The following CNTNAP2 variants were observed in gnomAD, a reference collection of about 807,000 sequenced individuals.
The protein encoded by CNTNAP2 is contactin associated protein 2.
In CNTNAP2, 98 loss-of-function variants were observed where a neutral mutation model predicts 155.2. The ratio of observed to expected loss-of-function variants is 0.63; its 90% CI spans 0.54 to 0.75. CNTNAP2 has a LOEUF of 0.75. Ranked by LOEUF, CNTNAP2 falls within the 30% of genes least tolerant of loss-of-function variation. CNTNAP2 has a pLI of 0.00. For missense variants in CNTNAP2, 1,727 were observed against 1,688.1 expected (o/e 1.02, Z -0.40); for synonymous variants, 651 against 631.2 (o/e 1.03, Z -0.47).
At chr7:146,978,067 TA>T (rs1797946772) in intron 3 of CNTNAP2, among the ~76,000 whole-genome samples, 1 of 152,176 alleles carries the variant, frequency 6.6e-6, no homozygotes, top group Non-Finnish European at 1.5e-5. Context: ...TGTAGAATGA[TA>T]CCCTAGACCA....
intron 14 of CNTNAP2, among the ~76,000 whole-genome samples, chr7:147,936,062 C>A (rs1800601592): frequency 6.6e-6 from 1 of 152,054 alleles, no homozygotes; most frequent in South Asian, 2.1e-4. Flanking sequence ...GAAAAAAAAG[C>A]AAACAAATAA....
chr7:148,134,617 T>C lies in CNTNAP2; in HGVS notation c.2555-12874T>C, dbSNP rs75943216. Among the ~76,000 whole-genome samples, 45 of 152,330 alleles carry C rather than the reference T, an allele frequency of 3.0e-4. No homozygotes were observed. In the East Asian group the frequency reaches 8.3e-3, roughly 28 times the overall value. On this transcript the variant is annotated intron_variant, in intron 16 of 23. Transcript: ENST00000361727. ...GTCTAGTTTTAAATGCCCTCTAATT[T>C]TCTGTATTTAAATAAAATCGTATAC... is the stretch of plus-strand genomic sequence containing the variant.
At chr7:146,363,169 A>T (rs12669581) in intron 1 of CNTNAP2, among the ~76,000 whole-genome samples, 36,225 of 152,014 alleles carry the variant, frequency 0.24, 4,920 homozygotes, top group Admixed American at 0.4. Context: ...ACATGTACTA[A>T]TTTTTTCTAA....
At chr7:146,182,988 A>T (rs752547645) in intron 1 of CNTNAP2, among the ~76,000 whole-genome samples, 2 of 152,094 alleles carry the variant, frequency 1.3e-5, no homozygotes, top group African/African-American at 4.8e-5. Context: ...CCTTTATTTT[A>T]TACATTACCA....
intron 1 of CNTNAP2, among the ~76,000 whole-genome samples, chr7:146,536,050 C>T (rs190208811): frequency 4.6e-5 from 7 of 152,204 alleles, no homozygotes; most frequent in East Asian, 1.9e-4. Flanking sequence ...CCAATATCCA[C>T]GTTTATTTTC....
chr7:147,171,451 A>G (rs1371445065), intron 8 of CNTNAP2, among the ~76,000 whole-genome samples: 1 of 152,180 alleles, frequency 6.6e-6, no homozygotes, highest in African/African-American at 2.4e-5. Context: ...GGAAATCAAA[A>G]CAGTGCTGTG....
At chr7:147,622,073 A>G (rs1293119258) in intron 12 of CNTNAP2, among the ~76,000 whole-genome samples, 1 of 152,098 alleles carries the variant, frequency 6.6e-6, no homozygotes, top group Non-Finnish European at 1.5e-5. Flanking sequence ...GTGTCATTTC[A>G]GCAAGAGGAT....
rs1231716299 is a variant in CNTNAP2 at position 146,329,861 on chromosome 7, T to TTA, written c.97+212888_97+212889insTA. 1.2e-4 allele frequency among the ~76,000 whole-genome samples: 19 copies of TTA among 152,130 alleles called. No homozygotes were observed. The East Asian group carries it at 3.3e-3, about 26-fold the overall frequency. On this transcript the variant is annotated intron_variant, in intron 1 of 23. Coordinates refer to ENST00000361727, the MANE Select transcript of CNTNAP2 (RefSeq NM_014141.6). ...CCCTGCTCAAGCATTATATAACGAG[T>TTA]CTTCACTACCTACTGCATCAAAGTG...
chr7:148,264,363 T>C (rs927662809), intron 20 of CNTNAP2, among the ~76,000 whole-genome samples: 6 of 152,342 alleles, frequency 3.9e-5, no homozygotes, highest in Middle Eastern at 3.4e-3. Flanking sequence ...AGTTTTTTTC[T>C]GCAAATCTAT....
intron 13 of CNTNAP2, among the ~76,000 whole-genome samples, chr7:147,683,763 A>G (rs553422209): frequency 6.7e-6 from 1 of 149,802 alleles, no homozygotes; most frequent in African/African-American, 2.5e-5. Context: ...CAATTAGCAG[A>G]ATAACCCTAC....
In CNTNAP2 at chr7:146,957,708, C is replaced by T. The variant is rs370797739; in HGVS notation, c.403-86199C>T. Among the ~76,000 whole-genome samples the T allele has an allele frequency of 4.6e-5, 7 of 152,210 alleles. 1 individual carries two copies. Among genetic ancestry groups the T allele is most frequent in the African/African-American group, 1.4e-4 (6 of 41,536 alleles). The stretch of plus-strand genomic sequence containing the variant: ...AAGAATTGGAGCCCGTTCTCCATGT[C>T]GTGCTTATTTCAGATTGCATGCCTG... On this transcript the variant is annotated intron_variant, in intron 3 of 23. Coordinates refer to ENST00000361727, the MANE Select transcript of CNTNAP2 (RefSeq NM_014141.6).
At chr7:148,078,557 T>G (rs1360189230) in intron 15 of CNTNAP2, among the ~76,000 whole-genome samples, 5 of 152,164 alleles carry the variant, frequency 3.3e-5, no homozygotes, top group Non-Finnish European at 7.3e-5. Flanking sequence ...CTCGGCTCAC[T>G]GCAACTTCCA....
intron 1 of CNTNAP2, among the ~76,000 whole-genome samples, chr7:146,701,235 T>C (rs1800873051): frequency 6.6e-6 from 1 of 152,192 alleles, no homozygotes; most frequent in Non-Finnish European, 1.5e-5. Flanking sequence ...ATTATTAAAA[T>C]ATTTCTTTTC....
intron 1 of CNTNAP2, among the ~76,000 whole-genome samples, chr7:146,364,014 A>T (rs555248843): frequency 1.7e-4 from 26 of 152,174 alleles, no homozygotes; most frequent in Admixed American, 5.9e-4. Flanking sequence ...AGAGAAAAAA[A>T]GTTGCTTGCA....
chr7:147,328,494 G>C (rs1795500400), intron 9 of CNTNAP2, among the ~76,000 whole-genome samples: 1 of 152,146 alleles, frequency 6.6e-6, no homozygotes, highest in Non-Finnish European at 1.5e-5. Context: ...GCAAGGACTG[G>C]GACGACTGAA....
intron 8 of CNTNAP2, among the ~76,000 whole-genome samples, chr7:147,191,346 T>C (rs1802677387): frequency 6.6e-6 from 1 of 152,178 alleles, no homozygotes; most frequent in Admixed American, 6.5e-5. Context: ...TAAAGTTAAA[T>C]ATCATTTTTA....
At chr7:147,224,607 C>T (rs28477368) in intron 8 of CNTNAP2, among the ~76,000 whole-genome samples, 64,084 of 151,766 alleles carry the variant, frequency 0.42, 13,986 homozygotes, top group African/African-American at 0.46. Flanking sequence ...TATTAAGAAA[C>T]CTTTAGTTAG....
At chr7:147,663,299 T>A (rs1403219961) in intron 13 of CNTNAP2, among the ~76,000 whole-genome samples, 1 of 152,236 alleles carries the variant, frequency 6.6e-6, no homozygotes, top group Non-Finnish European at 1.5e-5. Context: ...CCCAGCTGAA[T>A]GTTTCTGTTT....
intron 2 of CNTNAP2, among the ~76,000 whole-genome samples, chr7:146,821,222 T>G (rs1390746237): frequency 1.3e-5 from 2 of 152,144 alleles, no homozygotes; most frequent in East Asian, 1.9e-4. Context: ...GTTAGCTGGT[T>G]ATTTTGCTCG....
Sources: allele counts gnomAD v4.1 joint callset (sites outside exome capture counted in the v4.1 genomes callset), GRCh38; gene constraint gnomAD v4.1.1; transcripts MANE v1.5; gene names NCBI Gene and HGNC (gene_info 2026-07-23, HGNC 2026-07-21).